Variants in SMAP1 observed in about 807,000 individuals in gnomAD.
The protein encoded by SMAP1 is small ArfGAP 1, also known as stromal membrane-associated protein 1.
A neutral mutation model predicts 58.5 loss-of-function variants in SMAP1; 24 were observed. The ratio of observed to expected loss-of-function variants is 0.41; its 90% CI spans 0.30 to 0.58. The LOEUF is 0.58. SMAP1 is among the 20% of genes least tolerant of loss of function. SMAP1 has a pLI of 0.29. For missense variants in SMAP1, 563 were observed against 566.3 expected, an observed-to-expected ratio of 0.99 and a Z score of 0.06; for synonymous variants, 216 against 196.6, an observed-to-expected ratio of 1.10 and a Z score of -0.82.
chr6:70,836,958 G>T lies in SMAP1; in HGVS notation c.594G>T (p.Gln198His). 1 of 1,596,910 alleles carries T rather than the reference G, an allele frequency of 6.3e-7. No homozygotes were observed. Among genetic ancestry groups the T allele is most frequent in the East Asian group, 2.3e-5 (1 of 43,952 alleles). The change falls in exon 7 of 11, where the codon CAG (glutamine) becomes CAT (histidine). Residue 198 changes from glutamine (Q) to histidine (H), a missense_variant. Coordinates refer to ENST00000370455, the MANE Select transcript of SMAP1 (RefSeq NM_001044305.3). ...LTAEKLQKKD[Q>H]QLEPKKSTSP... ...CTTTAAAGCTGCAGAAGAAAGATCAGCAACTGGAGCCTAAAAAAAGTACCA... is the reference window on the plus strand; with the variant it reads ...CTTTAAAGCTGCAGAAGAAAGATCATCAACTGGAGCCTAAAAAAAGTACCA...
chr6:70,817,650 A>G (rs1769697433), intron 6 of SMAP1, among the ~76,000 whole-genome samples: 1 of 152,108 alleles, frequency 6.6e-6, no homozygotes, highest in South Asian at 2.1e-4. Flanking sequence ...TGTACTTCTG[A>G]GTTCTCAAAG....
At chr6:70,773,166 G>A (rs1474590880) in intron 3 of SMAP1, 184 bp from the exon 4 acceptor site, 2 of 462,270 alleles carry the variant, frequency 4.3e-6, no homozygotes, top group Non-Finnish European at 7.7e-6. Context: ...CCTGAAAGAG[G>A]TAGACTTCTT....
intron 6 of SMAP1, among the ~76,000 whole-genome samples, chr6:70,828,919 G>A (rs1412537302): frequency 6.6e-6 from 1 of 152,162 alleles, no homozygotes; most frequent in African/African-American, 2.4e-5. Context: ...GGCGGTGCAT[G>A]CCTATAGTTC....
intron 5 of SMAP1, among the ~76,000 whole-genome samples, chr6:70,792,987 T>C (rs1292783537): frequency 1.3e-5 from 2 of 152,144 alleles, no homozygotes; most frequent in Non-Finnish European, 2.9e-5. Flanking sequence ...TGTTCCAAAG[T>C]AGTAACAGAG....
At chr6:70,795,929 G>A (rs1768586249) in intron 5 of SMAP1, among the ~76,000 whole-genome samples, 1 of 151,608 alleles carries the variant, frequency 6.6e-6, no homozygotes, top group Non-Finnish European at 1.5e-5. Context: ...ATAGAGACAG[G>A]GTTTCATCAT....
At chr6:70,850,965 A>G (rs1386593006) in intron 7 of SMAP1, among the ~76,000 whole-genome samples, 1 of 152,192 alleles carries the variant, frequency 6.6e-6, no homozygotes, top group African/African-American at 2.4e-5. Context: ...ATGAGTCTTA[A>G]TTCTTTGATA....
At chr6:70,737,197 A>C (rs774427849) in intron 2 of SMAP1, among the ~76,000 whole-genome samples, 2 of 152,224 alleles carry the variant, frequency 1.3e-5, no homozygotes, top group African/African-American at 2.4e-5. Flanking sequence ...GCTGGAGTGC[A>C]GTGGCACAAT....
chr6:70,853,515 A>G (rs985456816), intron 8 of SMAP1, among the ~76,000 whole-genome samples: 1 of 152,220 alleles, frequency 6.6e-6, no homozygotes, highest in Non-Finnish European at 1.5e-5. Flanking sequence ...TTAATAAGAA[A>G]AAGTCAATGT....
In SMAP1 at chr6:70,861,983, G is replaced by A; in HGVS notation, c.*1649G>A. On this transcript the variant is annotated 3_prime_UTR_variant, in exon 11 of 11. Transcript: ENST00000370455. ...CTTGAAGACTTACAGCAAATCCTTT[G>A]TGAAAAATAAAAAAAAAAAAGAGAC... 3 of 1,558,460 alleles carry A rather than the reference G, an allele frequency of 1.9e-6. No individual in the cohort carries two copies. Among genetic ancestry groups the A allele is most frequent in the Admixed American group, 2.1e-5 (1 of 48,376 alleles).
chr6:70,833,314 A>G (rs1225769883), intron 6 of SMAP1, among the ~76,000 whole-genome samples: 3 of 152,240 alleles, frequency 2.0e-5, no homozygotes, highest in African/African-American at 4.8e-5. Flanking sequence ...GAAGAAGTAT[A>G]TACTGTATAT....
intron 1 of SMAP1, among the ~76,000 whole-genome samples, chr6:70,686,346 T>A (rs1254011287): frequency 6.6e-6 from 1 of 152,228 alleles, no homozygotes; most frequent in African/African-American, 2.4e-5. Flanking sequence ...ATATTTTCTC[T>A]TGGGATTCTG....
At chr6:70,845,226 C>T (rs1371993176) in intron 7 of SMAP1, among the ~76,000 whole-genome samples, 1 of 152,162 alleles carries the variant, frequency 6.6e-6, no homozygotes, top group African/African-American at 2.4e-5. Flanking sequence ...ATGCCTCTGA[C>T]ATTCAAGTAA....
intron 4 of SMAP1, among the ~76,000 whole-genome samples, chr6:70,787,754 C>T (rs1032483656): frequency 1.3e-5 from 2 of 151,406 alleles, no homozygotes; most frequent in African/African-American, 2.4e-5. Context: ...AATGAGATAC[C>T]GTCTCACACC....
chr6:70,809,565 G>A (rs1475939133), intron 6 of SMAP1, among the ~76,000 whole-genome samples: 1 of 152,118 alleles, frequency 6.6e-6, no homozygotes, highest in African/African-American at 2.4e-5. Flanking sequence ...AGATTGATAG[G>A]TTATGTTGTT....
intron 4 of SMAP1, among the ~76,000 whole-genome samples, chr6:70,780,900 T>A (rs563748624): frequency 6.6e-6 from 1 of 152,248 alleles, no homozygotes; most frequent in Non-Finnish European, 1.5e-5. Flanking sequence ...GATGTCATAG[T>A]GTCTGAATTT....
At chr6:70,706,578 G>C (rs1390619190) in intron 1 of SMAP1, among the ~76,000 whole-genome samples, 1 of 152,100 alleles carries the variant, frequency 6.6e-6, no homozygotes, top group African/African-American at 2.4e-5. Context: ...TTTATTGGCA[G>C]ATTTTCTCTC....
rs574565522 is a variant in SMAP1, at chr6:70,793,883, C to T, written c.495+2114C>T. ...CCGAGTAGCTGGGTTTACAGGCATG[C>T]GCCACCATGCCTGGCTAATTATGTA... On this transcript the variant is annotated intron_variant, in intron 5 of 10. Transcript: ENST00000370455. Among the ~76,000 whole-genome samples, 333 of 151,958 alleles carry T rather than the reference C, an allele frequency of 2.2e-3. 2 individuals are homozygous for T. Among genetic ancestry groups the T allele is most frequent in the African/African-American group, 6.0e-3 (249 of 41,430 alleles).
intron 1 of SMAP1, among the ~76,000 whole-genome samples, chr6:70,675,033 T>A (rs1457843339): frequency 6.6e-6 from 1 of 151,860 alleles, no homozygotes; most frequent in Non-Finnish European, 1.5e-5. Context: ...TAGTTAGAGA[T>A]CTCAGTAGAC....
chr6:70,740,653 C>G (rs1765776774), intron 2 of SMAP1, among the ~76,000 whole-genome samples: 1 of 152,080 alleles, frequency 6.6e-6, no homozygotes, highest in Non-Finnish European at 1.5e-5. Flanking sequence ...GGAAGAGAAA[C>G]TTCATGGTCA....
Sources: allele counts gnomAD v4.1 joint callset (sites outside exome capture counted in the v4.1 genomes callset), GRCh38; gene constraint gnomAD v4.1.1; transcripts MANE v1.5; gene names NCBI Gene and HGNC (gene_info 2026-07-23, HGNC 2026-07-21).